The following TMEM39A variants were observed in gnomAD, a reference collection of about 807,000 sequenced individuals.
TMEM39A encodes the protein transmembrane protein 39A, also known as suppressor of SQST-1 aggregates in rpl-43 mutants.
In TMEM39A, 19 loss-of-function variants were observed where a neutral mutation model predicts 51.9. The ratio of observed to expected loss-of-function variants is 0.37; its 90% CI spans 0.26 to 0.54. TMEM39A has a LOEUF of 0.54. Among genes scored for constraint, TMEM39A ranks in the 20% least tolerant of loss-of-function variants. TMEM39A has a pLI of 0.88. For missense variants in TMEM39A, 433 were observed against 590.5 expected (o/e 0.73, Z 2.76); for synonymous variants, 197 against 220.2 (o/e 0.89, Z 0.93).
intron 2 of TMEM39A, among the ~76,000 whole-genome samples, chr3:119,461,092 C>T (rs1308810490): frequency 6.6e-6 from 1 of 152,040 alleles, no homozygotes; most frequent in African/African-American, 2.4e-5. Context: ...TAAGGAAATC[C>T]AACGAACGGC....
chr3:119,437,219 A>G (rs1384014801), intron 6 of TMEM39A, among the ~76,000 whole-genome samples: 1 of 152,174 alleles, frequency 6.6e-6, no homozygotes, highest in African/African-American at 2.4e-5. Context: ...TCTCCTTTCT[A>G]GAAGAACTGA....
At chr3:119,456,780 A>C (rs904375721) in intron 3 of TMEM39A, among the ~76,000 whole-genome samples, 1 of 152,052 alleles carries the variant, frequency 6.6e-6, no homozygotes, top group African/African-American at 2.4e-5. Context: ...AATTTTGTTT[A>C]TTTTTTGTAG....
chr3:119,450,873 T>A (rs188273486), intron 4 of TMEM39A, among the ~76,000 whole-genome samples: 120 of 125,642 alleles, frequency 9.6e-4, no homozygotes, highest in African/African-American at 3.6e-3. Flanking sequence ...CTATTCCAAC[T>A]AAGGCTATGC....
Position 119,431,961 on chromosome 3 carries a change from C to A in TMEM39A, c.*20G>T. 6.7e-7 allele frequency: 1 copy of A among 1,483,416 alleles called. No homozygotes were observed. The highest frequency in any genetic ancestry group is 9.2e-7 in the Non-Finnish European group (1 of 1,092,014). The allele number at this position is 1,483,416 out of a possible 1,614,324, so 91.9% of individuals were successfully genotyped here. ...TGAAAATATTTTTATCTGAGTTCTC[C>A]CTCATTGTTGAGAGGCAGCTTAGTT... On this transcript the variant is annotated 3_prime_UTR_variant, in exon 9 of 9. Transcript: ENST00000319172.
chr3:119,459,429 G>C (rs2081309146), intron 2 of TMEM39A, among the ~76,000 whole-genome samples: 1 of 152,222 alleles, frequency 6.6e-6, no homozygotes, highest in Non-Finnish European at 1.5e-5. Context: ...AGGAATAGAA[G>C]AGGTAGGGAA....
intron 5 of TMEM39A, among the ~76,000 whole-genome samples, chr3:119,444,637 T>C (rs1175627991): frequency 6.6e-6 from 1 of 152,184 alleles, no homozygotes; most frequent in Non-Finnish European, 1.5e-5. Flanking sequence ...CCATAAATAA[T>C]ATAAAGCAGT....
chr3:119,458,280 C>T (rs1283219826), intron 2 of TMEM39A, 40 bp from the exon 3 acceptor site: 5 of 1,569,388 alleles, frequency 3.2e-6, no homozygotes, highest in Admixed American at 1.7e-5. Context: ...TGGTGATAAC[C>T]TCCAGTATCA....
intron 4 of TMEM39A, among the ~76,000 whole-genome samples, chr3:119,449,563 T>G (rs1273973710): frequency 6.6e-6 from 1 of 151,968 alleles, no homozygotes; most frequent in Non-Finnish European, 1.5e-5. Context: ...GAGGCGGAGG[T>G]TGCAGTAAGC....
chr3:119,438,525 TTGAG>T (rs561700268), intron 5 of TMEM39A, among the ~76,000 whole-genome samples: 24 of 152,212 alleles, frequency 1.6e-4, no homozygotes, highest in South Asian at 4.1e-4. Context: ...TGTGTGTATA[TTGAG>T]TATTTTCCCT....
In TMEM39A at chr3:119,432,154, C is replaced by A. The variant is rs751735039; in HGVS notation, c.1294G>T (p.Val432Phe). 1 of 1,613,098 alleles carries A rather than the reference C, an allele frequency of 6.2e-7. No individual in the cohort carries two copies. Among genetic ancestry groups the A allele is most frequent in the East Asian group, 2.2e-5 (1 of 44,864 alleles). The change falls in exon 9 of 9, where the codon GTC becomes TTC. Residue 432 changes from valine (V) to phenylalanine (F), a missense_variant. Val to Phe is a conservative substitution (Grantham distance 50, BLOSUM62 -1). This residue lies in a region of TMEM39A where 223 missense variants were observed against 328.1 expected (regional missense o/e 0.68). Coordinates refer to ENST00000319172, the MANE Select transcript of TMEM39A (RefSeq NM_018266.3). ...NLLILIEGSV[V>F]FYQLYSLLRS... is the part of the protein sequence containing the mutation. The stretch of plus-strand genomic sequence containing the variant: ...AGCAAGGAATAGAGCTGATAGAAGA[C>A]GACACTGCCCTCAATAAGGATGAGC...
At chr3:119,441,118 C>T (rs1049918413) in intron 5 of TMEM39A, among the ~76,000 whole-genome samples, 3 of 152,136 alleles carry the variant, frequency 2.0e-5, no homozygotes, top group African/African-American at 7.2e-5. Context: ...CTCTCCCTCA[C>T]GTCAGACCTC....
chr3:119,430,477 G>A lies in TMEM39A; in HGVS notation c.*1504C>T, dbSNP rs1472024916. The stretch of plus-strand genomic sequence containing the variant: ...TCCCCCACCCCCACGCATATTGTAA[G>A]CTCTGTGCAAGTAGGACCTTTGCAT... On this transcript the variant is annotated 3_prime_UTR_variant, in exon 9 of 9. Transcript: ENST00000319172. The A allele has an allele frequency of 1.3e-5, 2 of 151,792 alleles. No individual in the cohort carries two copies. The highest frequency in any genetic ancestry group is 4.8e-5 in the African/African-American group (2 of 41,292). The allele number at this position is 151,792 out of a possible 1,614,324, so 9.4% of individuals were successfully genotyped here. A position where few individuals can be genotyped will look rare whatever the true frequency, so the allele number is the denominator to read the frequency against.
At chr3:119,445,681 G>C (rs1400648084) in intron 5 of TMEM39A, among the ~76,000 whole-genome samples, 1 of 152,248 alleles carries the variant, frequency 6.6e-6, no homozygotes, top group Non-Finnish European at 1.5e-5. Context: ...ACTGAGGTCT[G>C]AAATTTAACT....
At chr3:119,455,775 T>C (rs539678575) in intron 3 of TMEM39A, among the ~76,000 whole-genome samples, 1 of 152,310 alleles carries the variant, frequency 6.6e-6, no homozygotes, top group East Asian at 1.9e-4. Context: ...AAAGAACTCT[T>C]CGATGAGACT....
intron 1 of TMEM39A, among the ~76,000 whole-genome samples, chr3:119,462,837 A>G (rs1367599234): frequency 6.6e-6 from 1 of 151,968 alleles, no homozygotes; most frequent in Non-Finnish European, 1.5e-5. Flanking sequence ...AAAATCATAC[A>G]GAAATTACTG....
intron 2 of TMEM39A, 68 bp from the exon 3 acceptor site, chr3:119,458,308 C>T (rs2081292676): frequency 7.5e-7 from 1 of 1,338,232 alleles, no homozygotes; most frequent in African/African-American, 1.5e-5. Flanking sequence ...TAAAGGGCTC[C>T]TGCTGTCTCC....
chr3:119,436,940 G>T lies in TMEM39A; in HGVS notation c.963C>A (p.His321Gln), dbSNP rs754275840. 6.2e-7 allele frequency: 1 copy of T among 1,613,922 alleles called. No homozygotes were observed. The highest frequency in any genetic ancestry group is 8.5e-7 in the Non-Finnish European group (1 of 1,179,860). The change falls in exon 7 of 9, where the codon CAC (histidine) becomes CAA (glutamine). Residue 321 changes from histidine to glutamine, a missense_variant. Physicochemically the swap from His to Gln is conservative, Grantham distance 24 (BLOSUM62 0). Transcript: ENST00000319172. ...QYYDMRWSCE[H>Q]LIMVWINAFV... is the part of the protein sequence containing the mutation. ...AAGCATTGATCCACACCATAATGAG[G>T]TGCTCACATGACCAGCGCATGTCAT...
At chr3:119,451,830 CAAAA>C (rs10653676) in intron 4 of TMEM39A, among the ~76,000 whole-genome samples, 2 of 54,304 alleles carry the variant, frequency 3.7e-5, no homozygotes, top group South Asian at 9.4e-4. Flanking sequence ...AACTCCGTCT[CAAAA>C]AAAAAAAAAA....
chr3:119,432,354 C>T (rs1260452467), intron 8 of TMEM39A, 140 bp from the exon 9 acceptor site: 2 of 555,064 alleles, frequency 3.6e-6, no homozygotes, highest in Non-Finnish European at 6.1e-6. Context: ...TATTTAATAT[C>T]AATCAGGCTA....
Sources: gnomAD v4.1 joint callset for allele counts (sites outside exome capture counted in the v4.1 genomes callset) on GRCh38, gnomAD v4.1.1 for gene constraint, gnomAD v4.1.1 regional missense constraint, MANE v1.5 for transcripts, NCBI Gene and HGNC (gene_info 2026-07-23, HGNC 2026-07-21) for gene names.